ONECUT1: variants seen among roughly 807,000 people sequenced by gnomAD.
ONECUT1 encodes the protein hepatocyte nuclear factor 6.
Under a neutral mutation model 25.6 loss-of-function variants are expected in ONECUT1, and 12 were observed. The ratio of observed to expected loss-of-function variants is 0.47; its 90% CI spans 0.30 to 0.76. The LOEUF (loss-of-function observed/expected upper bound fraction) is 0.76. Ranked by LOEUF, ONECUT1 falls within the 30% of genes least tolerant of loss-of-function variation. The pLI is 0.07. For missense variants in ONECUT1, 620 were observed against 651.2 expected, an observed-to-expected ratio of 0.95 and a Z score of 0.52; for synonymous variants, 285 against 270.2, an observed-to-expected ratio of 1.05 and a Z score of -0.54.
At chr15:52,757,868 T>C (rs775592029) in intron 1 of ONECUT1, 21 bp from the exon 2 acceptor site, 9 of 1,605,710 alleles carry the variant, frequency 5.6e-6, no homozygotes, top group African/African-American at 1.3e-5. Flanking sequence ...ACACAGAAGA[T>C]GTTAGAACAA....
intron 1 of ONECUT1, among the ~76,000 whole-genome samples, chr15:52,764,976 A>C (rs2083725843): frequency 6.6e-6 from 1 of 152,210 alleles, no homozygotes; most frequent in African/African-American, 2.4e-5. Context: ...AAGGCAAGAC[A>C]CATCCTGAAG....
intron 1 of ONECUT1, chr15:52,787,049 C>T (rs997262423): frequency 6.5e-6 from 1 of 152,712 alleles, no homozygotes; most frequent in African/African-American, 2.4e-5. Context: ...GAGGAGCAGC[C>T]CCTTCGCCCA....
chr15:52,772,557 C>T (rs1300285314), intron 1 of ONECUT1, among the ~76,000 whole-genome samples: 1 of 152,110 alleles, frequency 6.6e-6, no homozygotes, highest in East Asian at 1.9e-4. Flanking sequence ...GACAGGGCCT[C>T]CTTCATCTTG....
intron 1 of ONECUT1, among the ~76,000 whole-genome samples, chr15:52,768,691 T>G (rs1206265444): frequency 1.3e-5 from 2 of 152,240 alleles, no homozygotes; most frequent in Admixed American, 1.3e-4. Flanking sequence ...AAACAGAATT[T>G]CTTTAAAAAA....
At chr15:52,776,989 A>G (rs1353337379) in intron 1 of ONECUT1, among the ~76,000 whole-genome samples, 1 of 152,202 alleles carries the variant, frequency 6.6e-6, no homozygotes, top group Non-Finnish European at 1.5e-5. Flanking sequence ...AGTTCTTACA[A>G]GTTCCCAGGT....
intron 1 of ONECUT1, among the ~76,000 whole-genome samples, chr15:52,762,537 C>T (rs1374878623): frequency 6.6e-6 from 1 of 152,128 alleles, no homozygotes. Context: ...CGTTACAATA[C>T]CAGAACCTGG....
At position 52,789,373 on chromosome 15, in the gene ONECUT1, T is replaced by A. The variant is rs2083901403; in HGVS notation, c.512A>T (p.Asp171Val). ...GAGGCTCTGGCCCATGCCGGCCACGTCCTTGTGGTAGGGGGTATAGAGGTT... is the reference window on the plus strand; with the variant it reads ...GAGGCTCTGGCCCATGCCGGCCACGACCTTGTGGTAGGGGGTATAGAGGTT... ...MNNLYTPYHK[D>V]VAGMGQSLSP... The change falls in exon 1 of 2, where the codon GAC (aspartate) becomes GTC (valine). Residue 171 changes from aspartate (D) to valine (V), a missense_variant. Physicochemically the swap from Asp to Val is radical, Grantham distance 152. Around this residue, in one of 4 missense-constraint regions of ONECUT1, gnomAD observed 440 missense variants for 404.9 expected, o/e 1.09. Transcript: ENST00000305901. The surrounding 1 kb of genome is among the most constrained non-coding windows in gnomAD (Gnocchi z 4.1). 1 of 1,610,744 alleles carries A rather than the reference T, an allele frequency of 6.2e-7. No homozygotes were observed.
At chr15:52,780,868 C>T (rs2083836501) in intron 1 of ONECUT1, 4 of 1,338,896 alleles carry the variant, frequency 3.0e-6, no homozygotes, top group East Asian at 2.8e-5. Context: ...TTTCAGAAAC[C>T]GTCGATTCTG....
At chr15:52,759,609 CA>C (rs1448291474) in intron 1 of ONECUT1, among the ~76,000 whole-genome samples, 4 of 152,186 alleles carry the variant, frequency 2.6e-5, no homozygotes, top group South Asian at 4.1e-4. Flanking sequence ...AATACAAAGA[CA>C]TTTTTTTGAG....
rs75479018 is a variant in ONECUT1 at position 52,767,713 on chromosome 15, C to T, written c.1106-9866G>A. Among the ~76,000 whole-genome samples the T allele has an allele frequency of 3.7e-3, 560 of 152,266 alleles. 1 individual carries two copies. The highest frequency in any genetic ancestry group is 6.0e-3 in the Non-Finnish European group (408 of 68,026). On this transcript the variant is annotated intron_variant, in intron 1 of 1. Transcript: ENST00000305901. ...TTGGCTCAAGAATTTTGATTTCTAT[C>T]AGTATATGAAGAGATATCTGCACTG...
intron 1 of ONECUT1, among the ~76,000 whole-genome samples, chr15:52,782,520 T>G (rs1361070651): frequency 1.3e-5 from 2 of 152,244 alleles, no homozygotes; most frequent in Non-Finnish European, 2.9e-5. Context: ...TGACATTTTT[T>G]ATGTAGAAAT....
At chr15:52,767,100 C>CAGCCTGA (rs554389218) in intron 1 of ONECUT1, among the ~76,000 whole-genome samples, 120 of 152,150 alleles carry the variant, frequency 7.9e-4, no homozygotes, top group Non-Finnish European at 7.8e-4. Context: ...GACGAATGAG[C>CAGCCTGA]AGCCTGAATC....
At chr15:52,758,353 C>A (rs1343358701) in intron 1 of ONECUT1, among the ~76,000 whole-genome samples, 1 of 152,154 alleles carries the variant, frequency 6.6e-6, no homozygotes, top group Admixed American at 6.5e-5. Flanking sequence ...TATTAAGAGC[C>A]TAATCAGAGT....
chr15:52,771,875 T>G (rs562373753), intron 1 of ONECUT1, among the ~76,000 whole-genome samples: 12 of 152,334 alleles, frequency 7.9e-5, no homozygotes, highest in Admixed American at 2.0e-4. Context: ...CTCCATACTT[T>G]GGCAAAAACA....
In ONECUT1 at chr15:52,789,760, C is replaced by T. The variant is rs1387905685; in HGVS notation, c.125G>A (p.Gly42Asp). 1.4e-6 allele frequency: 2 copies of T among 1,403,776 alleles called. No homozygotes were observed. The highest frequency in any genetic ancestry group is 1.8e-6 in the Non-Finnish European group (2 of 1,089,900). The allele number at this position is 1,403,776 out of a possible 1,614,324, so 87.0% of individuals were successfully genotyped here. The change falls in exon 1 of 2, where the codon GGC (glycine) becomes GAC (aspartate). Residue 42 changes from glycine (G) to aspartate (D), a missense_variant. Coordinates refer to ENST00000305901, the MANE Select transcript of ONECUT1 (RefSeq NM_004498.4). The surrounding 1 kb of genome is among the most constrained non-coding windows in gnomAD (Gnocchi z 4.1). ...CGGGTGCGCGGGGGGCAGGTGGCTG[C>T]CGCGGTGCGCCACGGAGCTGCGCGC... Reference protein sequence around the residue: ...PHARSSVAHRGSHLPPAHPRS... With the variant: ...PHARSSVAHRDSHLPPAHPRS...
chr15:52,781,855 G>A (rs1235396834), intron 1 of ONECUT1, among the ~76,000 whole-genome samples: 1 of 152,146 alleles, frequency 6.6e-6, no homozygotes, highest in Non-Finnish European at 1.5e-5. Context: ...TATAAATGTT[G>A]AGTCTTCAAT....
chr15:52,757,753 T>C lies in ONECUT1; in HGVS notation c.1200A>G (p.Leu400=), dbSNP rs200225368. 1.2e-6 allele frequency: 2 copies of C among 1,614,196 alleles called. No homozygotes were observed. The highest frequency in any genetic ancestry group is 1.7e-5 in the Admixed American group (1 of 60,016). Reference sequence around the variant, plus strand: ...GCTTATTTTCCTTGAATATTGCATGTAGAGTTCGACGCTGGACATCTGTGA... The same window carrying C: ...GCTTATTTTCCTTGAATATTGCATGCAGAGTTCGACGCTGGACATCTGTGA... ...LVFTDVQRRT[L]HAIFKENKRP... The change falls in exon 2 of 2, where the codon CTA becomes CTG. Residue 400 remains leucine (L), a synonymous_variant. Transcript: ENST00000305901.
At position 52,789,051 on chromosome 15, in the gene ONECUT1, C is replaced by T. The variant is rs746244397; in HGVS notation, c.834G>A (p.Ala278=). 1.2e-6 allele frequency: 2 copies of T among 1,603,524 alleles called. No individual in the cohort carries two copies. Among genetic ancestry groups the T allele is most frequent in the Admixed American group, 1.7e-5 (1 of 60,006 alleles). The change falls in exon 1 of 2, where the codon GCG becomes GCA. Residue 278 remains alanine, a synonymous_variant. Transcript: ENST00000305901. This position sits in a 1 kb window ranked among gnomAD's most constrained non-coding sequence, Gnocchi z 4.1. ...AREPNPSVTG[A]QVSNGSNSGQ... ...CTGAATTACTTCCATTGCTGACCTG[C>T]GCGCCGGTCACCGAAGGGTTGGGCT...
chr15:52,786,312 C>T (rs1169339409), intron 1 of ONECUT1, among the ~76,000 whole-genome samples: 5 of 152,238 alleles, frequency 3.3e-5, no homozygotes, highest in Non-Finnish European at 7.3e-5. Context: ...GCAGGAGACC[C>T]TCCTGGACCA....
Sources: gnomAD v4.1 joint callset for allele counts (sites outside exome capture counted in the v4.1 genomes callset) on GRCh38, gnomAD v4.1.1 for gene constraint, gnomAD v4.1.1 regional missense constraint, Gnocchi (gnomAD v3.1) non-coding constraint, MANE v1.5 for transcripts, NCBI Gene and HGNC (gene_info 2026-07-23, HGNC 2026-07-21) for gene names.